SLC44A1: variants seen among roughly 807,000 people sequenced by gnomAD.
The protein encoded by SLC44A1 is choline transporter-like protein 1.
SLC44A1 carries 26 observed loss-of-function variants against 79.3 expected under a neutral mutation model. The ratio of observed to expected loss-of-function variants is 0.33; its 90% confidence interval spans 0.24 to 0.46. The LOEUF (loss-of-function observed/expected upper bound fraction) is 0.46, where lower values mean the gene tolerates loss of function less well. SLC44A1 is among the 20% of genes least tolerant of loss of function. SLC44A1 has a pLI of 1.00. For missense variants in SLC44A1, 688 were observed against 798.1 expected, an observed-to-expected ratio of 0.86 and a Z score of 1.66; for synonymous variants, 263 against 286.2, an observed-to-expected ratio of 0.92 and a Z score of 0.82.
chr9:105,320,838 T>C (rs1334518001), intron 3 of SLC44A1, among the ~76,000 whole-genome samples: 1 of 152,230 alleles, frequency 6.6e-6, no homozygotes, highest in South Asian at 2.1e-4. Flanking sequence ...TAATGACCGA[T>C]GATGTTGACC....
downstream of SLC44A1, among the ~76,000 whole-genome samples, chr9:105,399,706 G>A (rs1340070342): frequency 1.4e-5 from 2 of 145,698 alleles, no homozygotes; most frequent in Admixed American, 1.4e-4. Flanking sequence ...TCACAATAAT[G>A]TAAATAATAT....
intron 6 of SLC44A1, among the ~76,000 whole-genome samples, chr9:105,358,112 T>G (rs995161198): frequency 6.6e-6 from 1 of 152,216 alleles, no homozygotes; most frequent in Non-Finnish European, 1.5e-5. Flanking sequence ...ATGTATTTTT[T>G]TCTGTAGTTT....
At position 105,390,659 on chromosome 9, in the gene SLC44A1, T is replaced by A; in HGVS notation, c.*1603T>A. 3 of 985,656 alleles carry A rather than the reference T, an allele frequency of 3.0e-6. No individual in the cohort carries two copies. Among genetic ancestry groups the A allele is most frequent in the Non-Finnish European group, 3.6e-6 (3 of 829,784 alleles). 61.1% of individuals were successfully genotyped at this position (985,656 alleles called of 1,614,324 possible). On this transcript the variant is annotated 3_prime_UTR_variant, in exon 16 of 16. Transcript: ENST00000374720. ...GCAAAAGGTAAATTGTATTTTTTTT[T>A]AAGTATTGGTGTTCTTTACTCTAGC...
intron 13 of SLC44A1, among the ~76,000 whole-genome samples, chr9:105,376,346 C>CT (rs1222851225): frequency 2.3e-5 from 3 of 129,904 alleles, no homozygotes; most frequent in Admixed American, 2.2e-4. Context: ...CACACACACA[C>CT]ACACTACACA....
chr9:105,246,269 C>T (rs1422060746), intron 1 of SLC44A1, among the ~76,000 whole-genome samples: 1 of 151,940 alleles, frequency 6.6e-6, no homozygotes, highest in African/African-American at 2.4e-5. Flanking sequence ...CATACTTGTT[C>T]TGAAAATCTG....
chr9:105,264,058 G>A (rs1023736911), intron 1 of SLC44A1, among the ~76,000 whole-genome samples: 3 of 152,138 alleles, frequency 2.0e-5, no homozygotes, highest in African/African-American at 7.2e-5. Context: ...AGATTGAGCT[G>A]TCTTCCAACA....
At chr9:105,306,453 T>C (rs1360587729) in intron 2 of SLC44A1, among the ~76,000 whole-genome samples, 1 of 152,158 alleles carries the variant, frequency 6.6e-6, no homozygotes, top group Non-Finnish European at 1.5e-5. Flanking sequence ...TTAATTATAT[T>C]TGGCCTACTT....
rs1831134114 is a variant in SLC44A1 at position 105,309,932 on chromosome 9, G to T, written c.269+66G>T. 4.7e-6 allele frequency: 7 copies of T among 1,487,662 alleles called. No homozygotes were observed. The Admixed American group carries it at 1.2e-4, about 24-fold the overall frequency. The allele number at this position is 1,487,662 out of a possible 1,614,324, so 92.2% of individuals were successfully genotyped here. On this transcript the variant is annotated intron_variant, in intron 3 of 15. Transcript: ENST00000374720. ...AAAGAGGCACAGAGAAAATCCTGCT[G>T]TTCTTGCTGTTTTAAAGATAATATC...
Position 105,395,369 on chromosome 9 carries a change from C to T in SLC44A1, c.*6313C>T. Reference sequence around the variant, plus strand: ...GAGTAGCTGGGACCACAGGCATGTGCCACCACACCCAGCTAATTTTTGTAT... The same window carrying T: ...GAGTAGCTGGGACCACAGGCATGTGTCACCACACCCAGCTAATTTTTGTAT... On this transcript the variant is annotated 3_prime_UTR_variant, in exon 16 of 16. Transcript: ENST00000374720. The T allele has an allele frequency of 3.0e-6, 1 of 336,656 alleles. No homozygotes were observed. Among genetic ancestry groups the T allele is most frequent in the Non-Finnish European group, 4.2e-6 (1 of 236,680 alleles). 20.9% of individuals were successfully genotyped at this position (336,656 alleles called of 1,614,324 possible).
intron 3 of SLC44A1, among the ~76,000 whole-genome samples, chr9:105,326,918 T>C (rs1387918150): frequency 6.6e-6 from 1 of 152,212 alleles, no homozygotes; most frequent in East Asian, 1.9e-4. Context: ...TTCTCTGCAG[T>C]TGGAACGTCA....
chr9:105,305,116 A>G (rs1434347761), intron 2 of SLC44A1, among the ~76,000 whole-genome samples: 3 of 151,108 alleles, frequency 2.0e-5, no homozygotes, highest in Admixed American at 6.6e-5. Flanking sequence ...TACTACAGGC[A>G]TGTGCCACCA....
intron 15 of SLC44A1, among the ~76,000 whole-genome samples, chr9:105,427,461 A>G (rs1829337834): frequency 6.6e-6 from 1 of 151,872 alleles, no homozygotes; most frequent in African/African-American, 2.4e-5. Flanking sequence ...TTTTATAGAG[A>G]CAGAGGTCTC....
intron 15 of SLC44A1, among the ~76,000 whole-genome samples, chr9:105,422,398 C>T (rs1166297868): frequency 1.3e-5 from 2 of 149,622 alleles, no homozygotes; most frequent in Non-Finnish European, 3.0e-5. Context: ...AAGCAATTCT[C>T]CTGCCTCAGC....
rs1564048383 is a variant in SLC44A1 at position 105,392,397 on chromosome 9, CTCTCTCTTTT to C, written c.*3343_*3352del. On this transcript the variant is annotated 3_prime_UTR_variant, in exon 16 of 16. Transcript: ENST00000374720. ...TCTTTTGTAGAGATGCTCTCTCTCT[CTCTCTCTTTT>C]TTTTTTTTTTTTTTTTTTTTTTTCC... 80 of 874,410 alleles carry C rather than the reference CTCTCTCTTTT, an allele frequency of 9.1e-5. No individual in the cohort carries two copies. The highest frequency in any genetic ancestry group is 5.8e-4 in the Middle Eastern group (1 of 1,738). The allele number at this position is 874,410 out of a possible 1,614,324, so 54.2% of individuals were successfully genotyped here. A position where few individuals can be genotyped will look rare whatever the true frequency, so the allele number is the denominator to read the frequency against.
intron 12 of SLC44A1, among the ~76,000 whole-genome samples, chr9:105,374,214 A>C (rs2131441975): frequency 6.6e-6 from 1 of 152,346 alleles, no homozygotes; most frequent in East Asian, 1.9e-4. Flanking sequence ...CTGCCTCTTC[A>C]GCTTTTAAAG....
chr9:105,374,158 T>G (rs529506918), intron 12 of SLC44A1, among the ~76,000 whole-genome samples: 12 of 152,120 alleles, frequency 7.9e-5, no homozygotes, highest in Non-Finnish European at 1.6e-4. Flanking sequence ...AAGGAGGAGA[T>G]AGTGGATAGT....
chr9:105,360,002 C>T (rs937445300), intron 7 of SLC44A1, among the ~76,000 whole-genome samples: 1 of 152,334 alleles, frequency 6.6e-6, no homozygotes, highest in African/African-American at 2.4e-5. Context: ...ACACACATGT[C>T]TCTACTCTGA....
downstream of SLC44A1, among the ~76,000 whole-genome samples, chr9:105,397,935 G>A (rs1399566791): frequency 2.0e-5 from 3 of 151,722 alleles, no homozygotes; most frequent in Non-Finnish European, 4.4e-5. Context: ...GGGTCATAGC[G>A]AGACTCGGTC....
At chr9:105,430,968 G>A (rs1829384981) in intron 15 of SLC44A1, among the ~76,000 whole-genome samples, 1 of 152,178 alleles carries the variant, frequency 6.6e-6, no homozygotes, top group African/African-American at 2.4e-5. Flanking sequence ...CATCCAGTGA[G>A]TGTGAAGTTG....
Sources: allele counts gnomAD v4.1 joint callset (sites outside exome capture counted in the v4.1 genomes callset), GRCh38; gene constraint gnomAD v4.1.1; transcripts MANE v1.5; gene names NCBI Gene and HGNC (gene_info 2026-07-23, HGNC 2026-07-21).